GALNT13: variants seen among roughly 807,000 people sequenced by gnomAD.
GALNT13 encodes the protein polypeptide N-acetylgalactosaminyltransferase 13, also known as UDP-GalNAc:polypeptide N-acetylgalactosaminyltransferase 13.
A neutral mutation model predicts 64.2 loss-of-function variants in GALNT13; 28 were observed. The observed-to-expected ratio is 0.44, with a 90% confidence interval of 0.32 to 0.60. The LOEUF is 0.60. GALNT13 is among the 20% of genes least tolerant of loss of function. The pLI, the probability that GALNT13 is intolerant of heterozygous loss-of-function variation, is 0.05. For missense variants in GALNT13, 577 were observed against 669.8 expected, an observed-to-expected ratio of 0.86 and a Z score of 1.53; for synonymous variants, 214 against 224.6, an observed-to-expected ratio of 0.95 and a Z score of 0.42.
chr2:153,409,307 T>TATATGAATATGTATATATTC, the GALNT13 span, among the ~76,000 whole-genome samples: 28 of 127,356 alleles, frequency 2.2e-4, no homozygotes, highest in South Asian at 8.2e-4. Context: ...TGTATATATA[T>TATATGAATATGTATATATTC]ATATGAATAT....
intron 2 of GALNT13, among the ~76,000 whole-genome samples, chr2:153,907,623 T>G (rs1293060115): frequency 6.6e-6 from 1 of 152,070 alleles, no homozygotes; most frequent in Non-Finnish European, 1.5e-5. Context: ...TTCTGATCAC[T>G]TAGCCTCCAC....
chr2:153,588,497 G>T, the GALNT13 span, among the ~76,000 whole-genome samples: 2 of 152,192 alleles, frequency 1.3e-5, no homozygotes, highest in African/African-American at 4.8e-5. Flanking sequence ...CTTGGGGCTT[G>T]CATCCTCTGA....
At chr2:153,410,102 T>A in the GALNT13 span, among the ~76,000 whole-genome samples, 136 of 152,338 alleles carry the variant, frequency 8.9e-4, no homozygotes, top group Non-Finnish European at 1.6e-3. Flanking sequence ...TTTGTTGTTG[T>A]TGAGACAGGG....
At chr2:153,803,260 T>C in the GALNT13 span, among the ~76,000 whole-genome samples, 1 of 152,204 alleles carries the variant, frequency 6.6e-6, no homozygotes, top group Non-Finnish European at 1.5e-5. Flanking sequence ...CAGACGGAAT[T>C]GTGTCCCCCA....
chr2:153,614,281 ATTG>A, the GALNT13 span, among the ~76,000 whole-genome samples: 3 of 152,118 alleles, frequency 2.0e-5, no homozygotes, highest in Admixed American at 6.6e-5. Context: ...ACCTTATAGT[ATTG>A]TTGTAAGAAT....
At chr2:153,389,027 C>G in the GALNT13 span, among the ~76,000 whole-genome samples, 1 of 152,108 alleles carries the variant, frequency 6.6e-6, no homozygotes, top group East Asian at 1.9e-4. Flanking sequence ...TTAGATCTGC[C>G]GCAGAATTCT....
intron 4 of GALNT13, among the ~76,000 whole-genome samples, chr2:154,189,325 C>G (rs1480199875): frequency 6.6e-6 from 1 of 152,062 alleles, no homozygotes; most frequent in Non-Finnish European, 1.5e-5. Context: ...TGTGGAAGCC[C>G]TAACTTCCAA....
At chr2:153,189,438 T>C in the GALNT13 span, among the ~76,000 whole-genome samples, 1 of 152,302 alleles carries the variant, frequency 6.6e-6, no homozygotes, top group East Asian at 1.9e-4. Context: ...GATTTTGCTT[T>C]TTAATGGTCA....
the GALNT13 span, among the ~76,000 whole-genome samples, chr2:153,579,976 A>G: frequency 2.8e-3 from 433 of 152,262 alleles, 9 homozygotes; most frequent in Admixed American, 0.023. Flanking sequence ...AATTTTATGT[A>G]ATTCAACGGC....
At chr2:153,768,440 C>T in the GALNT13 span, among the ~76,000 whole-genome samples, 1 of 152,062 alleles carries the variant, frequency 6.6e-6, no homozygotes, top group African/African-American at 2.4e-5. Flanking sequence ...TTTCTTAGGT[C>T]TAGTAGTATT....
the GALNT13 span, among the ~76,000 whole-genome samples, chr2:153,820,430 A>T: frequency 6.6e-6 from 1 of 152,208 alleles, no homozygotes; most frequent in African/African-American, 2.4e-5. Context: ...ATGCAAAGTC[A>T]CCAGGCTAAG....
At chr2:154,361,940 C>A (rs1697093240) in intron 9 of GALNT13, among the ~76,000 whole-genome samples, 1 of 152,054 alleles carries the variant, frequency 6.6e-6, no homozygotes, top group Non-Finnish European at 1.5e-5. Context: ...ACTCATCTCT[C>A]AAGATAACTG....
At chr2:153,731,529 G>C in the GALNT13 span, among the ~76,000 whole-genome samples, 2 of 151,834 alleles carry the variant, frequency 1.3e-5, no homozygotes, top group East Asian at 3.9e-4. Context: ...AGTGTCCATG[G>C]CTCCATTAAC....
chr2:154,168,993 G>GT (rs1685197147), intron 4 of GALNT13, among the ~76,000 whole-genome samples: 1 of 152,138 alleles, frequency 6.6e-6, no homozygotes, highest in African/African-American at 2.4e-5. Context: ...AGGGGAGCCA[G>GT]TTTGTGCAGA....
chr2:153,956,081 A>C (rs947897196), intron 3 of GALNT13, among the ~76,000 whole-genome samples: 1 of 152,226 alleles, frequency 6.6e-6, no homozygotes, highest in Non-Finnish European at 1.5e-5. Flanking sequence ...AAACCCTTCT[A>C]AGCAAAAACC....
At chr2:153,851,454 G>A in the GALNT13 span, among the ~76,000 whole-genome samples, 1 of 151,698 alleles carries the variant, frequency 6.6e-6, no homozygotes, top group African/African-American at 2.4e-5. Flanking sequence ...TAATCCCTAT[G>A]TTTTGGGAGG....
At chr2:153,859,667 A>G in the GALNT13 span, among the ~76,000 whole-genome samples, 1 of 152,212 alleles carries the variant, frequency 6.6e-6, no homozygotes, top group Non-Finnish European at 1.5e-5. Flanking sequence ...AAAAACATGT[A>G]TTCACCCTGA....
chr2:153,586,554 A>AAG, the GALNT13 span, among the ~76,000 whole-genome samples: 154 of 152,206 alleles, frequency 1.0e-3, no homozygotes, highest in Non-Finnish European at 1.1e-3. Context: ...ACTAGACCTA[A>AAG]AGAGAGAGAG....
the GALNT13 span, among the ~76,000 whole-genome samples, chr2:153,259,005 G>A: frequency 6.6e-6 from 1 of 152,036 alleles, no homozygotes; most frequent in African/African-American, 2.4e-5. Flanking sequence ...TTCTTTGTCG[G>A]TTCTCTTTCT....
Sources: gnomAD v4.1 joint callset for allele counts (sites outside exome capture counted in the v4.1 genomes callset) on GRCh38, gnomAD v4.1.1 for gene constraint, MANE v1.5 for transcripts, NCBI Gene and HGNC (gene_info 2026-07-23, HGNC 2026-07-21) for gene names.